The following CHMP2B variants were observed in gnomAD, a reference collection of about 807,000 sequenced individuals.
The protein encoded by CHMP2B is VPS2 homolog B.
A neutral mutation model predicts 29.8 loss-of-function variants in CHMP2B; 22 were observed. That is an observed-to-expected ratio of 0.74 (90% confidence interval 0.53 to 1.05). CHMP2B has a LOEUF of 1.05. Ranked by LOEUF, CHMP2B falls within the 50% of genes least tolerant of loss-of-function variation. The pLI, the probability that CHMP2B is intolerant of heterozygous loss-of-function variation, is 0.00. For synonymous variants in CHMP2B, 78 were observed against 75.8 expected, an observed-to-expected ratio of 1.03 and a Z score of -0.15; for missense variants, 261 against 252.2, an observed-to-expected ratio of 1.03 and a Z score of -0.24.
At chr3:87,244,054 G>GTTT (rs535788695) in intron 2 of CHMP2B, among the ~76,000 whole-genome samples, 2 of 126,744 alleles carry the variant, frequency 1.6e-5, no homozygotes, top group African/African-American at 3.3e-5. Flanking sequence ...GTTTTTTGTT[G>GTTT]TTTTTTTTTT....
chr3:87,238,790 T>C (rs552147000), intron 1 of CHMP2B, among the ~76,000 whole-genome samples: 3 of 152,310 alleles, frequency 2.0e-5, no homozygotes, highest in Non-Finnish European at 4.4e-5. Context: ...TGAATACTTA[T>C]TTCACTTCTT....
Position 87,240,680 on chromosome 3 carries a change from T to A in CHMP2B, c.35-19T>A, listed in dbSNP as rs897765620. The A allele has an allele frequency of 1.3e-6, 2 of 1,538,618 alleles. No individual in the cohort carries two copies. The highest frequency in any genetic ancestry group is 2.7e-5 in the African/African-American group (2 of 73,338). ...ATTTTACAACCCATAAATTTAGGTT[T>A]CTTTTGTGATTCTCCTAGATGTAAT... On this transcript the variant is annotated intron_variant, in intron 1 of 5. Transcript: ENST00000263780.
At chr3:87,229,858 T>G (rs1705876044) in intron 1 of CHMP2B, among the ~76,000 whole-genome samples, 1 of 152,254 alleles carries the variant, frequency 6.6e-6, no homozygotes, top group South Asian at 2.1e-4. Flanking sequence ...CATGTAAATT[T>G]AAAAGGAAGA....
chr3:87,241,641 ATTAC>A (rs777440414), intron 2 of CHMP2B, among the ~76,000 whole-genome samples: 15 of 152,102 alleles, frequency 9.9e-5, no homozygotes, highest in South Asian at 2.1e-4. Flanking sequence ...ATTAGTGTTA[ATTAC>A]TTTTTATTGA....
chr3:87,236,848 C>G (rs1706023905), intron 1 of CHMP2B, among the ~76,000 whole-genome samples: 1 of 151,590 alleles, frequency 6.6e-6, no homozygotes, highest in Non-Finnish European at 1.5e-5. Context: ...AAAACTCCAT[C>G]TCAAAACAAA....
intron 1 of CHMP2B, chr3:87,240,317 T>C (rs1164723704): frequency 6.5e-6 from 1 of 152,834 alleles, no homozygotes; most frequent in African/African-American, 2.4e-5. Flanking sequence ...TTTTTTTTTT[T>C]TGGAGACAGA....
At chr3:87,239,601 A>G (rs1446289894) in intron 1 of CHMP2B, among the ~76,000 whole-genome samples, 2 of 152,180 alleles carry the variant, frequency 1.3e-5, no homozygotes, top group Non-Finnish European at 2.9e-5. Context: ...AAGAGACAGA[A>G]TGGTTGGATC....
intron 1 of CHMP2B, among the ~76,000 whole-genome samples, chr3:87,238,700 C>T (rs908379551): frequency 1.3e-5 from 2 of 152,078 alleles, no homozygotes; most frequent in African/African-American, 2.4e-5. Context: ...ATCTGTGCAC[C>T]TCTTTGTGAT....
At chr3:87,251,259 G>A (rs982309220) in intron 4 of CHMP2B, among the ~76,000 whole-genome samples, 8 of 151,726 alleles carry the variant, frequency 5.3e-5, no homozygotes, top group African/African-American at 1.9e-4. Flanking sequence ...TTTACTTCAG[G>A]CCTTTAGTTT....
In CHMP2B at chr3:87,253,524, C is replaced by A; in HGVS notation, c.531+14C>A. ...ATTTCTGGAAAGGTATGAACATCAT[C>A]TTTTCTTAGTTGGAAATAGTTTCTG... On this transcript the variant is annotated intron_variant, in intron 5 of 5. Transcript: ENST00000263780. 6.5e-7 allele frequency: 1 copy of A among 1,534,858 alleles called. No homozygotes were observed. Among genetic ancestry groups the A allele is most frequent in the Non-Finnish European group, 9.0e-7 (1 of 1,108,464 alleles).
intron 4 of CHMP2B, among the ~76,000 whole-genome samples, chr3:87,250,983 C>G (rs1706305380): frequency 6.6e-6 from 1 of 151,698 alleles, no homozygotes; most frequent in African/African-American, 2.4e-5. Flanking sequence ...AGTATGTTTT[C>G]TAAATGTTTT....
chr3:87,253,133 T>G (rs1462889260), intron 4 of CHMP2B: 3 of 345,422 alleles, frequency 8.7e-6, no homozygotes, highest in Admixed American at 9.0e-5. Context: ...GACTATCACA[T>G]TTTTTTGTCT....
intron 1 of CHMP2B, among the ~76,000 whole-genome samples, chr3:87,231,941 T>A (rs576133953): frequency 1.3e-5 from 2 of 152,294 alleles, no homozygotes; most frequent in South Asian, 4.1e-4. Flanking sequence ...ATGCTTATTC[T>A]GTCTCTTCTA....
In CHMP2B at chr3:87,240,414, G is replaced by C. The variant is rs560652090; in HGVS notation, c.35-285G>C. The C allele has an allele frequency of 1.6e-3, 470 of 292,162 alleles. 6 individuals are homozygous for C. Among genetic ancestry groups the C allele is most frequent in the South Asian group, 0.016 (455 of 29,082 alleles). The allele number at this position is 292,162 out of a possible 1,614,324, so 18.1% of individuals were successfully genotyped here. A position where few individuals can be genotyped will look rare whatever the true frequency, so the allele number is the denominator to read the frequency against. On this transcript the variant is annotated intron_variant, in intron 1 of 5. Coordinates refer to ENST00000263780, the MANE Select transcript of CHMP2B (RefSeq NM_014043.4). Reference sequence around the variant, plus strand: ...CAACCATCACCTCCCAGATTCAAGCGATTCTTCTACCTCAGCCTACCGAGT... The same window carrying C: ...CAACCATCACCTCCCAGATTCAAGCCATTCTTCTACCTCAGCCTACCGAGT...
intron 4 of CHMP2B, among the ~76,000 whole-genome samples, chr3:87,251,036 A>G (rs557401167): frequency 1.3e-5 from 2 of 152,066 alleles, no homozygotes; most frequent in East Asian, 3.9e-4. Context: ...ATGTTTTACA[A>G]CTATGTAGGG....
At chr3:87,237,716 C>CTTGTATT (rs1706040877) in intron 1 of CHMP2B, among the ~76,000 whole-genome samples, 1 of 152,136 alleles carries the variant, frequency 6.6e-6, no homozygotes, top group Non-Finnish European at 1.5e-5. Flanking sequence ...TAAACATTCC[C>CTTGTATT]AGAAGCCTTG....
chr3:87,234,625 T>C (rs1321068890), intron 1 of CHMP2B, among the ~76,000 whole-genome samples: 1 of 152,220 alleles, frequency 6.6e-6, no homozygotes, highest in Non-Finnish European at 1.5e-5. Flanking sequence ...TCCATGTACC[T>C]TTGGCATTTT....
chr3:87,244,663 T>C (rs1307762976), intron 2 of CHMP2B, among the ~76,000 whole-genome samples: 3 of 152,220 alleles, frequency 2.0e-5, no homozygotes, highest in Non-Finnish European at 2.9e-5. Flanking sequence ...TTGAGTTTCA[T>C]TGTAGTTAGA....
In CHMP2B at chr3:87,240,752, A is replaced by G. The variant is rs139894940; in HGVS notation, c.88A>G (p.Arg30Gly). The G allele has an allele frequency of 9.7e-5, 157 of 1,613,788 alleles. No individual in the cohort carries two copies. In the African/African-American group the frequency reaches 1.3e-3, roughly 14 times the overall value. ...ACGAGGTACACAGAGGGCTATAATC[A>G]GAGATCGAGCAGCTTTAGAGAAACA... Reference protein sequence around the residue: ...ELRGTQRAIIRDRAALEKQEK... With the variant: ...ELRGTQRAIIGDRAALEKQEK... Residue 30 changes from arginine (R) to glycine (G), a missense_variant, in exon 2 of 6, where the codon AGA (arginine) becomes GGA (glycine). Transcript: ENST00000263780.
Sources: allele counts gnomAD v4.1 joint callset (sites outside exome capture counted in the v4.1 genomes callset), GRCh38; gene constraint gnomAD v4.1.1; transcripts MANE v1.5; gene names NCBI Gene and HGNC (gene_info 2026-07-23, HGNC 2026-07-21).